The following CSMD2 variants were observed in gnomAD, a reference collection of about 807,000 sequenced individuals.
The protein encoded by CSMD2 is CUB and Sushi multiple domains 2.
A neutral mutation model predicts 398.5 loss-of-function variants in CSMD2; 130 were observed. The ratio of observed to expected loss-of-function variants is 0.33; its 90% CI spans 0.28 to 0.38. The LOEUF is 0.38. Among genes scored for constraint, CSMD2 ranks in the 10% least tolerant of loss-of-function variants. CSMD2 has a pLI of 1.00. For synonymous variants in CSMD2, 1,828 were observed against 1,908.5 expected, an observed-to-expected ratio of 0.96 and a Z score of 1.10; for missense variants, 3,829 against 4,764.9, an observed-to-expected ratio of 0.80 and a Z score of 5.78.
At chr1:33,669,597 T>C (rs1429586847) in intron 25 of CSMD2, among the ~76,000 whole-genome samples, 3 of 152,222 alleles carry the variant, frequency 2.0e-5, no homozygotes, top group Non-Finnish European at 4.4e-5. Flanking sequence ...TGCCTGGAAG[T>C]TCCCCCTGCA....
chr1:33,793,762 G>A lies in CSMD2; in HGVS notation c.1447-1236C>T, dbSNP rs148002843. 2.0e-5 allele frequency among the ~76,000 whole-genome samples: 3 copies of A among 152,194 alleles called. No individual in the cohort carries two copies. The East Asian group carries it at 5.8e-4, about 30-fold the overall frequency. On this transcript the variant is annotated intron_variant, in intron 10 of 70. Transcript: ENST00000373381. ...ATGGAAGAGTAGCAGTGTGGACGGAGAAGAGGGAGGGTCCTAGTGATATTT... is the reference window on the plus strand; with the variant it reads ...ATGGAAGAGTAGCAGTGTGGACGGAAAAGAGGGAGGGTCCTAGTGATATTT...
intron 53 of CSMD2, among the ~76,000 whole-genome samples, chr1:33,564,078 T>TTCA (rs3043323): frequency 6.6e-6 from 1 of 151,198 alleles, no homozygotes; most frequent in African/African-American, 2.5e-5. Flanking sequence ...TACCATCATC[T>TTCA]TCATCATCAT....
At chr1:33,925,444 T>C (rs1644094606) in intron 4 of CSMD2, among the ~76,000 whole-genome samples, 1 of 152,236 alleles carries the variant, frequency 6.6e-6, no homozygotes, top group Admixed American at 6.5e-5. Flanking sequence ...TTGGTTATTA[T>C]AGCCTTGTAA....
intron 1 of CSMD2, among the ~76,000 whole-genome samples, chr1:34,122,637 A>C (rs1427384337): frequency 3.3e-5 from 5 of 152,038 alleles, no homozygotes; most frequent in Admixed American, 3.3e-4. Context: ...TCTCCCCCAG[A>C]GTTTTAATTT....
intron 3 of CSMD2, among the ~76,000 whole-genome samples, chr1:33,990,839 C>T (rs1434373864): frequency 6.6e-6 from 1 of 152,038 alleles, no homozygotes; most frequent in Admixed American, 6.5e-5. Context: ...TTAGGGTTGC[C>T]AGATAAAATA....
chr1:33,577,461 C>T lies in CSMD2; in HGVS notation c.7411G>A (p.Ala2471Thr), dbSNP rs890359904. The T allele has an allele frequency of 8.1e-6, 13 of 1,612,684 alleles. No homozygotes were observed. The highest frequency in any genetic ancestry group is 1.1e-5 in the Non-Finnish European group (13 of 1,179,106). Reference protein sequence around the residue: ...YSAPYCSLPRAPLHGFILGQT... With the variant: ...YSAPYCSLPRTPLHGFILGQT... ...CCTAGGATGAAGCCATGGAGTGGAGCCCTGGGCAGGCTGCAGTAAGGGGCT... is the reference window on the plus strand; with the variant it reads ...CCTAGGATGAAGCCATGGAGTGGAGTCCTGGGCAGGCTGCAGTAAGGGGCT... Residue 2471 changes from alanine to threonine, a missense_variant, in exon 49 of 71, where the codon GCT becomes ACT. By Grantham distance (58) the Ala-to-Thr change is moderately conservative. Around this residue, in one of 5 missense-constraint regions of CSMD2, gnomAD observed 723 missense variants for 758.6 expected, o/e 0.95. Coordinates refer to ENST00000373381, the MANE Select transcript of CSMD2 (RefSeq NM_001281956.2).
chr1:33,719,628 G>A (rs1428226760), intron 19 of CSMD2, among the ~76,000 whole-genome samples: 1 of 152,200 alleles, frequency 6.6e-6, no homozygotes, highest in Non-Finnish European at 1.5e-5. Flanking sequence ...CATAGGAGCA[G>A]AAAGAGCAGG....
rs1289864470 is a variant in CSMD2, at chr1:33,538,518, G to A, written c.9632-909C>T. Among the ~76,000 whole-genome samples, 4 of 152,188 alleles carry A rather than the reference G, an allele frequency of 2.6e-5. 1 individual carries two copies. The highest frequency in any genetic ancestry group is 5.9e-5 in the Non-Finnish European group (4 of 68,034). On this transcript the variant is annotated intron_variant, in intron 60 of 70. Transcript: ENST00000373381. ...TGTGTGTATGTGTATATGGAGTCAT[G>A]AGATACATAACCACATGCAAAATAA... is the stretch of plus-strand genomic sequence containing the variant.
At chr1:33,724,382 G>T in intron 18 of CSMD2, 69 bp from the exon 19 acceptor site, 1 of 1,498,984 alleles carries the variant, frequency 6.7e-7, no homozygotes. Flanking sequence ...CATCCTCCTG[G>T]GACCCCATCC....
At chr1:33,684,330 A>G (rs1402645985) in intron 25 of CSMD2, among the ~76,000 whole-genome samples, 1 of 152,236 alleles carries the variant, frequency 6.6e-6, no homozygotes. Flanking sequence ...AACAAGGACT[A>G]TTAGCCAAAT....
intron 49 of CSMD2, among the ~76,000 whole-genome samples, chr1:33,575,482 C>T (rs775599103): frequency 5.9e-5 from 9 of 152,006 alleles, no homozygotes; most frequent in Admixed American, 2.0e-4. Context: ...TGAGGGTGTA[C>T]GCTTGCTGGC....
intron 27 of CSMD2, among the ~76,000 whole-genome samples, chr1:33,656,706 G>A (rs978928073): frequency 3.3e-5 from 5 of 152,220 alleles, no homozygotes; most frequent in East Asian, 1.9e-4. Flanking sequence ...TCAGACTGGC[G>A]TGGGTGTAAA....
At chr1:33,615,353 A>T (rs1357452122) in intron 39 of CSMD2, among the ~76,000 whole-genome samples, 1 of 152,202 alleles carries the variant, frequency 6.6e-6, no homozygotes, top group Non-Finnish European at 1.5e-5. Flanking sequence ...GTGTGAACAG[A>T]AAGGGGCTAG....
intron 5 of CSMD2, among the ~76,000 whole-genome samples, chr1:33,912,358 T>C (rs940489844): frequency 2.6e-5 from 4 of 152,072 alleles, no homozygotes; most frequent in African/African-American, 9.7e-5. Flanking sequence ...TTCCAGGATC[T>C]ACACAGAAAT....
chr1:33,928,292 G>A (rs1644195847), intron 4 of CSMD2, among the ~76,000 whole-genome samples: 1 of 152,224 alleles, frequency 6.6e-6, no homozygotes, highest in East Asian at 1.9e-4. Flanking sequence ...ACTTGTAAGA[G>A]GAGATAACAT....
At chr1:33,668,797 C>T (rs1269405425) in intron 25 of CSMD2, among the ~76,000 whole-genome samples, 1 of 152,176 alleles carries the variant, frequency 6.6e-6, no homozygotes, top group East Asian at 1.9e-4. Flanking sequence ...ACAAAACAGG[C>T]CATTTCCAGG....
chr1:34,028,916 G>T (rs1009633508), intron 3 of CSMD2, among the ~76,000 whole-genome samples: 1 of 152,114 alleles, frequency 6.6e-6, no homozygotes, highest in African/African-American at 2.4e-5. Flanking sequence ...AGCAGCCGTG[G>T]GCTGACACTC....
intron 4 of CSMD2, among the ~76,000 whole-genome samples, chr1:33,935,032 A>G (rs1468923227): frequency 6.7e-6 from 1 of 150,150 alleles, no homozygotes; most frequent in Non-Finnish European, 1.5e-5. Flanking sequence ...AAAAAAAAAG[A>G]AAAAAGAAAA....
intron 2 of CSMD2, among the ~76,000 whole-genome samples, chr1:34,071,058 C>T (rs756739793): frequency 3.3e-5 from 5 of 152,200 alleles, no homozygotes; most frequent in Non-Finnish European, 7.3e-5. Context: ...CAATTGTTCA[C>T]GCTTCCTTCC....
Sources: allele counts gnomAD v4.1 joint callset (sites outside exome capture counted in the v4.1 genomes callset), GRCh38; gene constraint gnomAD v4.1.1; regional missense constraint gnomAD v4.1.1; transcripts MANE v1.5; gene names NCBI Gene and HGNC (gene_info 2026-07-23, HGNC 2026-07-21).